AGXT2: variants seen among roughly 807,000 people sequenced by gnomAD.
AGXT2 encodes alanine--glyoxylate aminotransferase 2, mitochondrial.
AGXT2 carries 61 observed loss-of-function variants against 62.5 expected under a neutral mutation model. That is an observed-to-expected ratio of 0.98 (90% CI 0.79 to 1.21). The LOEUF is 1.21. Ranked by LOEUF, AGXT2 falls within the 50% of genes most tolerant of loss-of-function variation. The pLI, the probability that AGXT2 is intolerant of heterozygous loss-of-function variation, is 0.00. For missense variants in AGXT2, 666 were observed against 641.5 expected (o/e 1.04, Z -0.41); for synonymous variants, 243 against 218.7 (o/e 1.11, Z -0.98).
chr5:35,022,107 C>G (rs1031952786), intron 9 of AGXT2, among the ~76,000 whole-genome samples: 2 of 152,040 alleles, frequency 1.3e-5, no homozygotes, highest in African/African-American at 4.8e-5. Context: ...GAAATAGGAA[C>G]ACTTTTACAC....
chr5:35,039,474 T>C lies in AGXT2; in HGVS notation c.212A>G (p.Lys71Arg), dbSNP rs765276584. The change falls in exon 3 of 14, where the codon AAG (lysine) becomes AGG (arginine). Residue 71 changes from lysine (K) to arginine (R), a missense_variant. Lys to Arg is a conservative substitution (Grantham distance 26, BLOSUM62 2). Coordinates refer to ENST00000231420, the MANE Select transcript of AGXT2 (RefSeq NM_031900.4). ...LGYNRVLEIH[K>R]EHLSPVVTAY... is the part of the protein sequence containing the mutation. ...CGTCACCACAGGAGAAAGATGTTCC[T>C]TGTGGATTTCCAGGACACGGTTGTA... 1.9e-6 allele frequency: 3 copies of C among 1,614,030 alleles called. No homozygotes were observed. The highest frequency in any genetic ancestry group is 2.7e-5 in the African/African-American group (2 of 75,040).
intron 9 of AGXT2, among the ~76,000 whole-genome samples, chr5:35,015,488 T>A (rs1233270295): frequency 6.6e-6 from 1 of 152,104 alleles, no homozygotes; most frequent in East Asian, 1.9e-4. Context: ...TCTCCACACA[T>A]ACACAAAATG....
chr5:35,032,658 G>A, intron 7 of AGXT2, 74 bp downstream of exon 7: 1 of 1,296,682 alleles, frequency 7.7e-7, no homozygotes, highest in Non-Finnish European at 1.1e-6. Flanking sequence ...TGTTCCCTCA[G>A]GGATGGGTCT....
chr5:35,009,463 G>C (rs1480435768), intron 12 of AGXT2, among the ~76,000 whole-genome samples: 1 of 152,058 alleles, frequency 6.6e-6, no homozygotes, highest in Non-Finnish European at 1.5e-5. Context: ...AGGTATGGTG[G>C]TGTGTGCCTG....
chr5:35,020,054 C>G (rs994371802), intron 9 of AGXT2, among the ~76,000 whole-genome samples: 3 of 152,198 alleles, frequency 2.0e-5, no homozygotes, highest in African/African-American at 7.2e-5. Context: ...AGACCAATAA[C>G]AGGATCTGAA....
chr5:35,027,314 G>T (rs1767395168), intron 7 of AGXT2, among the ~76,000 whole-genome samples: 1 of 152,036 alleles, frequency 6.6e-6, no homozygotes, highest in South Asian at 2.1e-4. Flanking sequence ...TCTTTTTGGA[G>T]ATCTTTCTAA....
rs1428360892 is a variant in AGXT2, at chr5:35,035,413, T to TAA, written c.487-99_487-98dup. On this transcript the variant is annotated intron_variant, in intron 4 of 13. Coordinates refer to ENST00000231420, the MANE Select transcript of AGXT2 (RefSeq NM_031900.4). ...GGGCAGGTGTCCAGCCCCTGAGTATTAAGGAGAGTTCCCTTCAGACCAGCT... is the reference window on the plus strand; with the variant it reads ...GGGCAGGTGTCCAGCCCCTGAGTATTAAAAGGAGAGTTCCCTTCAGACCAGCT... 2.0e-5 allele frequency: 20 copies of TAA among 983,110 alleles called. No individual in the cohort carries two copies. The East Asian group carries it at 4.8e-4, about 23-fold the overall frequency. 60.9% of individuals were successfully genotyped at this position (983,110 alleles called of 1,614,324 possible). A position where few individuals can be genotyped will look rare whatever the true frequency, so the allele number is the denominator to read the frequency against.
rs185888731 is a variant in AGXT2, at chr5:35,042,880, A to C, written c.89-2217T>G. Among the ~76,000 whole-genome samples the C allele has an allele frequency of 1.2e-3, 182 of 152,228 alleles. 1 individual carries two copies. The highest frequency in any genetic ancestry group is 4.3e-3 in the African/African-American group (177 of 41,530). On this transcript the variant is annotated intron_variant, in intron 1 of 13. Transcript: ENST00000231420. ...TTGTTTTGTTTTGTCTTATTGTTTT[A>C]ACTAATCGGATAGTGCCTTTTTAGG...
At chr5:35,012,566 A>G in intron 11 of AGXT2, 1 of 287,750 alleles carries the variant, frequency 3.5e-6, no homozygotes, top group South Asian at 3.8e-5. Context: ...CTCCTTAGTC[A>G]TTCAATTTAT....
At position 35,010,302 on chromosome 5, in the gene AGXT2, T is replaced by C. The variant is rs111996150; in HGVS notation, c.1189-153A>G. Among the ~76,000 whole-genome samples the C allele has an allele frequency of 4.4e-3, 672 of 152,270 alleles. 5 individuals carry two copies. The highest frequency in any genetic ancestry group is 0.016 in the African/African-American group (660 of 41,530). ...TGACCACAAGGACTACAAAAAGATC[T>C]GTTGTAAGGAGAGAAGAAAAGTCTT... On this transcript the variant is annotated intron_variant, in intron 11 of 13. Coordinates refer to ENST00000231420, the MANE Select transcript of AGXT2 (RefSeq NM_031900.4).
chr5:35,014,263 C>T (rs1561216948), intron 9 of AGXT2, 144 bp from the exon 10 acceptor site: 1 of 1,097,880 alleles, frequency 9.1e-7, no homozygotes, highest in Non-Finnish European at 1.3e-6. Context: ...ACCAGCCTGG[C>T]CAAGATGGTG....
Position 35,003,862 on chromosome 5 carries a change from C to G in AGXT2, c.1339-1G>C. On this transcript the variant is annotated splice_acceptor_variant, in intron 12 of 13. Transcript: ENST00000231420. LOFTEE classifies it high-confidence loss of function. ...CACGGGGAAGAGGCCGACAGCTTAT[C>G]TGTAAATATATTTTTAAAATTCTTT... 3 of 1,613,296 alleles carry G rather than the reference C, an allele frequency of 1.9e-6. No homozygotes were observed. Among genetic ancestry groups the G allele is most frequent in the Non-Finnish European group, 2.5e-6 (3 of 1,179,284 alleles).
In AGXT2 at chr5:35,037,058, T is replaced by C. The variant is rs550794422; in HGVS notation, c.370A>G (p.Asn124Asp). The C allele has an allele frequency of 2.7e-4, 429 of 1,613,990 alleles. No homozygotes were observed. Among genetic ancestry groups the C allele is most frequent in the Non-Finnish European group, 3.5e-4 (417 of 1,180,012 alleles). Residue 124 changes from asparagine (N) to aspartate (D), a missense_variant, in exon 4 of 14, where the codon AAT (asparagine) becomes GAT (aspartate). By Grantham distance (23) the Asn-to-Asp change is conservative (BLOSUM62 1). Coordinates refer to ENST00000231420, the MANE Select transcript of AGXT2 (RefSeq NM_031900.4). Reference sequence around the variant, plus strand: ...CCGAGCTGCTTTTGTGCCACTGCATTCACCTTTCTGGATAAGCAGTACAGC... The same window carrying C: ...CCGAGCTGCTTTTGTGCCACTGCATCCACCTTTCTGGATAAGCAGTACAGC... ...VSVGHCHPKV[N>D]AVAQKQLGRL...
chr5:35,022,428 A>T (rs1767143341), intron 9 of AGXT2, among the ~76,000 whole-genome samples: 1 of 152,116 alleles, frequency 6.6e-6, no homozygotes, highest in African/African-American at 2.4e-5. Context: ...TTGAAGGGAC[A>T]TGGATGAAAT....
At chr5:35,040,736 T>A (rs1767954648) in intron 1 of AGXT2, 73 bp from the exon 2 acceptor site, 1 of 1,169,820 alleles carries the variant, frequency 8.5e-7, no homozygotes, top group Non-Finnish European at 1.3e-6. Context: ...CCTATAGTTA[T>A]CCAAATAAAA....
At chr5:35,005,503 G>T (rs1346508433) in intron 12 of AGXT2, among the ~76,000 whole-genome samples, 1 of 152,140 alleles carries the variant, frequency 6.6e-6, no homozygotes, top group Non-Finnish European at 1.5e-5. Context: ...GGGATTACAG[G>T]TGTGAGCCAC....
chr5:35,021,008 A>G (rs1184324545), intron 9 of AGXT2, among the ~76,000 whole-genome samples: 1 of 152,212 alleles, frequency 6.6e-6, no homozygotes, highest in African/African-American at 2.4e-5. Flanking sequence ...TAGGAGTCCA[A>G]CTTACAAGGG....
chr5:35,032,286 G>A (rs1387543549), intron 7 of AGXT2, among the ~76,000 whole-genome samples: 2 of 151,944 alleles, frequency 1.3e-5, no homozygotes, highest in Non-Finnish European at 2.9e-5. Context: ...GGAGTGCAGT[G>A]GCATAATCAT....
chr5:35,028,471 G>T (rs1767439766), intron 7 of AGXT2, among the ~76,000 whole-genome samples: 1 of 151,810 alleles, frequency 6.6e-6, no homozygotes, highest in African/African-American at 2.4e-5. Flanking sequence ...TGAGTGGGAA[G>T]ATTGCCCAGC....
Sources: gnomAD v4.1 joint callset for allele counts (sites outside exome capture counted in the v4.1 genomes callset) on GRCh38, gnomAD v4.1.1 for gene constraint, MANE v1.5 for transcripts, NCBI Gene and HGNC (gene_info 2026-07-23, HGNC 2026-07-21) for gene names.